The following AKAP6 variants were observed in gnomAD, a reference collection of about 807,000 sequenced individuals.
AKAP6 encodes A-kinase anchor protein 6.
In AKAP6, 58 loss-of-function variants were observed where a neutral mutation model predicts 188.5. The observed-to-expected ratio is 0.31, with a 90% CI of 0.25 to 0.38. The LOEUF is 0.38. Among genes scored for constraint, AKAP6 ranks in the 10% least tolerant of loss-of-function variants. The pLI is 1.00. For missense variants in AKAP6, 2,710 were observed against 2,740.0 expected (o/e 0.99, Z 0.24); for synonymous variants, 989 against 998.6 (o/e 0.99, Z 0.18).
chr14:32,497,620 C>A (rs1247059756), intron 2 of AKAP6, among the ~76,000 whole-genome samples: 2 of 151,988 alleles, frequency 1.3e-5, no homozygotes, highest in Admixed American at 6.6e-5. Flanking sequence ...CCTAATTTAC[C>A]TAAAATGGCA....
At chr14:32,688,293 A>G (rs1285886214) in intron 8 of AKAP6, among the ~76,000 whole-genome samples, 1 of 152,068 alleles carries the variant, frequency 6.6e-6, no homozygotes, top group African/African-American at 2.4e-5. Flanking sequence ...AATCTGATTT[A>G]TTTCATTTTA....
intron 7 of AKAP6, among the ~76,000 whole-genome samples, chr14:32,650,571 A>T (rs1343483783): frequency 2.0e-5 from 3 of 152,144 alleles, no homozygotes; most frequent in Admixed American, 1.3e-4. Context: ...AGATCATGCC[A>T]CTGTACTCCA....
At chr14:32,433,140 G>A in intron 1 of AKAP6, 1 of 225,476 alleles carries the variant, frequency 4.4e-6, no homozygotes, top group Non-Finnish European at 8.9e-6. Flanking sequence ...GGGAGATAGG[G>A]AATGTAGTTT....
intron 9 of AKAP6, among the ~76,000 whole-genome samples, chr14:32,702,774 G>A (rs1056417691): frequency 3.9e-5 from 6 of 152,138 alleles, no homozygotes; most frequent in Non-Finnish European, 8.8e-5. Context: ...CAAACGAGCC[G>A]TGGGGAAAGT....
intron 2 of AKAP6, among the ~76,000 whole-genome samples, chr14:32,522,512 A>T (rs1036138501): frequency 6.6e-6 from 1 of 152,146 alleles, no homozygotes; most frequent in Non-Finnish European, 1.5e-5. Flanking sequence ...AACAACCCCA[A>T]CAAAAAGTGG....
At position 32,834,531 on chromosome 14, in the gene AKAP6, G is replaced by GTGTTTTTTTTTTTTTTTTTT. The variant is rs1437449754; in HGVS notation, c.*4727_*4728insGTTTTTTTTTTTTTTTTTTT. On this transcript the variant is annotated 3_prime_UTR_variant, in exon 14 of 14. Transcript: ENST00000280979. ...ATCACACACTGCTTTTAGTTTCCAA[G>GTGTTTTTTTTTTTTTTTTTT]TCTTTTTTTTTTTTTTTTTTTTTAA... The GTGTTTTTTTTTTTTTTTTTT allele has an allele frequency of 2.2e-5, 2 of 90,502 alleles. No homozygotes were observed. Among genetic ancestry groups the GTGTTTTTTTTTTTTTTTTTT allele is most frequent in the Non-Finnish European group, 2.2e-5 (1 of 46,346 alleles). 5.6% of individuals were successfully genotyped at this position (90,502 alleles called of 1,614,324 possible).
intron 9 of AKAP6, among the ~76,000 whole-genome samples, chr14:32,701,602 C>T (rs1184517265): frequency 6.6e-6 from 1 of 151,850 alleles, no homozygotes; most frequent in East Asian, 1.9e-4. Flanking sequence ...ATATAGAGTA[C>T]AAGAAGAAGT....
chr14:32,388,554 A>G (rs2138576452), intron 1 of AKAP6, among the ~76,000 whole-genome samples: 1 of 152,006 alleles, frequency 6.6e-6, no homozygotes, highest in South Asian at 2.1e-4. Context: ...TTGTGTCACT[A>G]TTGTCATTCA....
chr14:32,480,889 T>C (rs73267311), intron 2 of AKAP6, among the ~76,000 whole-genome samples: 10,958 of 152,200 alleles, frequency 0.072, 1,358 homozygotes, highest in African/African-American at 0.25. Context: ...GATTAATATA[T>C]GGTAAAGACA....
At chr14:32,346,557 G>A (rs574998065) in intron 1 of AKAP6, among the ~76,000 whole-genome samples, 3 of 152,148 alleles carry the variant, frequency 2.0e-5, no homozygotes, top group East Asian at 1.9e-4. Context: ...CACCCAGGCC[G>A]AACTGCGGTG....
At chr14:32,339,732 TA>T (rs1341396936) in intron 1 of AKAP6, among the ~76,000 whole-genome samples, 1 of 152,162 alleles carries the variant, frequency 6.6e-6, no homozygotes, top group African/African-American at 2.4e-5. Flanking sequence ...TCTCTGTTGC[TA>T]TTAAAAATGC....
chr14:32,355,204 G>A (rs1887438343), intron 1 of AKAP6, among the ~76,000 whole-genome samples: 1 of 152,072 alleles, frequency 6.6e-6, no homozygotes, highest in Admixed American at 6.6e-5. Flanking sequence ...ACTATAATTG[G>A]TAAATTAAAG....
At chr14:32,640,383 C>T (rs920714609) in intron 7 of AKAP6, among the ~76,000 whole-genome samples, 1 of 152,070 alleles carries the variant, frequency 6.6e-6, no homozygotes, top group Admixed American at 6.6e-5. Context: ...TTTAAAATCA[C>T]TCCAGAGCTT....
At chr14:32,410,278 A>G (rs766291561) in intron 1 of AKAP6, among the ~76,000 whole-genome samples, 1 of 152,170 alleles carries the variant, frequency 6.6e-6, no homozygotes, top group Non-Finnish European at 1.5e-5. Flanking sequence ...TCTGCACAAT[A>G]AAACTTGGTC....
chr14:32,570,953 G>A (rs1246482050), intron 4 of AKAP6, among the ~76,000 whole-genome samples: 1 of 152,156 alleles, frequency 6.6e-6, no homozygotes, highest in East Asian at 1.9e-4. Flanking sequence ...TCTGGATTCA[G>A]GTACTGAGTT....
rs868145132 is a variant in AKAP6, at chr14:32,384,119, C to T, written c.-34-49341C>T. ...GAGTTAGCACTCTGCTAACTAAAGG[C>T]TTACGTTTGGTAAATGCTATGATGG... On this transcript the variant is annotated intron_variant, in intron 1 of 13. Transcript: ENST00000280979. Among the ~76,000 whole-genome samples the T allele has an allele frequency of 1.3e-4, 20 of 152,312 alleles. 1 individual carries two copies. Among genetic ancestry groups the T allele is most frequent in the Middle Eastern group, 6.8e-3 (2 of 294 alleles).
chr14:32,485,957 C>T (rs114939507), intron 2 of AKAP6, among the ~76,000 whole-genome samples: 1,610 of 152,232 alleles, frequency 0.011, 29 homozygotes, highest in African/African-American at 0.037. Context: ...TTAGGCCTTA[C>T]GTTTAAATCT....
chr14:32,790,775 C>A (rs972093821), intron 12 of AKAP6, among the ~76,000 whole-genome samples: 1 of 152,038 alleles, frequency 6.6e-6, no homozygotes, highest in African/African-American at 2.4e-5. Flanking sequence ...CCTTGCCCCC[C>A]ACTCCCTGGC....
rs564934102 is a variant in AKAP6 at position 32,335,996 on chromosome 14, G to A, written c.-35+6588G>A. Among the ~76,000 whole-genome samples, 4 of 151,562 alleles carry A rather than the reference G, an allele frequency of 2.6e-5. No individual in the cohort carries two copies. In the South Asian group the frequency reaches 8.4e-4, roughly 32 times the overall value. On this transcript the variant is annotated intron_variant, in intron 1 of 13. Coordinates refer to ENST00000280979, the MANE Select transcript of AKAP6 (RefSeq NM_004274.5). ...TTATAATGAACCCTTCTCCAGCAAG[G>A]TAGTTCCAGCCATGCTAATGTTCAG...
Sources: gnomAD v4.1 joint callset for allele counts (sites outside exome capture counted in the v4.1 genomes callset) on GRCh38, gnomAD v4.1.1 for gene constraint, MANE v1.5 for transcripts, NCBI Gene and HGNC (gene_info 2026-07-23, HGNC 2026-07-21) for gene names.